HMBOX1: variants seen among roughly 807,000 people sequenced by gnomAD.
HMBOX1 encodes the protein homeobox-containing protein 1.
A neutral mutation model predicts 54.5 loss-of-function variants in HMBOX1; 14 were observed. The observed-to-expected ratio is 0.26, with a 90% CI of 0.17 to 0.40. HMBOX1 has a LOEUF of 0.40. Ranked by LOEUF, HMBOX1 falls within the 10% of genes least tolerant of loss-of-function variation. The pLI, the probability that HMBOX1 is intolerant of heterozygous loss-of-function variation, is 1.00. For missense variants in HMBOX1, 332 were observed against 514.4 expected (o/e 0.65, Z 3.43); for synonymous variants, 160 against 181.0 (o/e 0.88, Z 0.93).
In HMBOX1 at chr8:28,919,254, G is replaced by C. The variant is rs542595043; in HGVS notation, c.-58+28576G>C. On this transcript the variant is annotated intron_variant, in intron 1 of 9. Transcript: ENST00000287701. Reference sequence around the variant, plus strand: ...CTTAGATGGCCCTTCTGTATCCAAGGGTTCTTCATCTGCAGATTTAACCAA... The same window carrying C: ...CTTAGATGGCCCTTCTGTATCCAAGCGTTCTTCATCTGCAGATTTAACCAA... 2.6e-5 allele frequency among the ~76,000 whole-genome samples: 4 copies of C among 152,132 alleles called. No homozygotes were observed. The East Asian group carries it at 5.8e-4, about 22-fold the overall frequency.
intron 1 of HMBOX1, among the ~76,000 whole-genome samples, chr8:28,926,216 G>A (rs1051198640): frequency 6.6e-6 from 1 of 151,812 alleles, no homozygotes; most frequent in African/African-American, 2.4e-5. Context: ...GCTTACCTGA[G>A]CCCGGGAGTT....
intron 1 of HMBOX1, among the ~76,000 whole-genome samples, chr8:28,946,905 A>G (rs1461655039): frequency 6.6e-6 from 1 of 152,176 alleles, no homozygotes; most frequent in Non-Finnish European, 1.5e-5. Flanking sequence ...TAGTTTGAGA[A>G]CCCAGGAGCT....
intron 1 of HMBOX1, among the ~76,000 whole-genome samples, chr8:28,917,678 G>A (rs1332041209): frequency 6.6e-6 from 1 of 151,932 alleles, no homozygotes; most frequent in African/African-American, 2.4e-5. Flanking sequence ...ATATATTTAG[G>A]GTTTTCATGG....
intron 1 of HMBOX1, among the ~76,000 whole-genome samples, chr8:28,946,406 T>G (rs1444877206): frequency 6.6e-6 from 1 of 151,678 alleles, no homozygotes; most frequent in Non-Finnish European, 1.5e-5. Context: ...TCGTCTCTAC[T>G]AAAAATACAA....
chr8:28,946,837 ATAAC>A (rs1324908704), intron 1 of HMBOX1, among the ~76,000 whole-genome samples: 3 of 152,228 alleles, frequency 2.0e-5, no homozygotes, highest in Non-Finnish European at 4.4e-5. Flanking sequence ...CATACAATAA[ATAAC>A]AAATATTAAC....
intron 6 of HMBOX1, among the ~76,000 whole-genome samples, chr8:29,026,911 G>A (rs1802139392): frequency 6.6e-6 from 1 of 152,194 alleles, no homozygotes; most frequent in Non-Finnish European, 1.5e-5. Flanking sequence ...ACAGGGAAAA[G>A]ATGAAACAAG....
chr8:28,949,465 T>C (rs1823019684), intron 1 of HMBOX1, among the ~76,000 whole-genome samples: 1 of 152,248 alleles, frequency 6.6e-6, no homozygotes, highest in Admixed American at 6.5e-5. Context: ...TTTGTAACTT[T>C]AGCATTTTGG....
chr8:28,902,205 G>C (rs1813358999), intron 1 of HMBOX1, among the ~76,000 whole-genome samples: 1 of 152,146 alleles, frequency 6.6e-6, no homozygotes, highest in African/African-American at 2.4e-5. Flanking sequence ...ATCCTCAGAA[G>C]ATAGTGAACC....
chr8:28,928,413 T>C (rs1818922938), intron 1 of HMBOX1, among the ~76,000 whole-genome samples: 1 of 152,154 alleles, frequency 6.6e-6, no homozygotes. Flanking sequence ...CTATTGGGAA[T>C]GCAAATTGTT....
intron 4 of HMBOX1, among the ~76,000 whole-genome samples, chr8:28,991,121 T>C (rs1007535550): frequency 6.6e-6 from 1 of 152,358 alleles, no homozygotes; most frequent in Admixed American, 6.5e-5. Context: ...TTTTTTATTA[T>C]AGTGATTATC....
chr8:29,032,364 CTTCT>C (rs1345603367), intron 6 of HMBOX1, among the ~76,000 whole-genome samples: 1 of 151,660 alleles, frequency 6.6e-6, no homozygotes, highest in Non-Finnish European at 1.5e-5. Context: ...TCTTTCTAGC[CTTCT>C]TTAAGACAGA....
chr8:28,905,351 G>GCA (rs1563359143), intron 1 of HMBOX1, among the ~76,000 whole-genome samples: 2 of 151,478 alleles, frequency 1.3e-5, no homozygotes, highest in Non-Finnish European at 2.9e-5. Flanking sequence ...GCACACACAC[G>GCA]CACGCACACA....
chr8:29,026,755 T>C (rs1802111159), intron 6 of HMBOX1, among the ~76,000 whole-genome samples: 1 of 152,240 alleles, frequency 6.6e-6, no homozygotes, highest in Non-Finnish European at 1.5e-5. Flanking sequence ...GAGTTCTTAT[T>C]AACTAAGAAG....
chr8:29,014,561 A>G (rs1834714114), intron 5 of HMBOX1, among the ~76,000 whole-genome samples: 1 of 152,218 alleles, frequency 6.6e-6, no homozygotes, highest in African/African-American at 2.4e-5. Flanking sequence ...ACATTGAAAA[A>G]GAAAAAGGAG....
At chr8:28,973,106 T>A (rs1353636023) in intron 3 of HMBOX1, among the ~76,000 whole-genome samples, 1 of 152,174 alleles carries the variant, frequency 6.6e-6, no homozygotes, top group African/African-American at 2.4e-5. Flanking sequence ...CCTGCTTTCC[T>A]CCATTGTGTC....
Position 28,890,485 on chromosome 8 carries a change from G to C in HMBOX1, c.-251G>C, listed in dbSNP as rs1057456145. The C allele has an allele frequency of 1.3e-5, 2 of 153,190 alleles. No homozygotes were observed. The highest frequency in any genetic ancestry group is 4.8e-5 in the African/African-American group (2 of 41,436). The allele number at this position is 153,190 out of a possible 1,614,324, so 9.5% of individuals were successfully genotyped here. ...GAGGTTTTTCAGGGGGAGACTGGGA[G>C]ATAGGGGCCTCCCCTCCCCCTTCTC... On this transcript the variant is annotated 5_prime_UTR_variant, in exon 1 of 10. Transcript: ENST00000287701.
intron 1 of HMBOX1, among the ~76,000 whole-genome samples, chr8:28,913,661 C>T (rs1350356072): frequency 6.6e-6 from 1 of 152,164 alleles, no homozygotes; most frequent in East Asian, 1.9e-4. Flanking sequence ...TTCTCTTTCT[C>T]TCCCCATAGC....
intron 5 of HMBOX1, among the ~76,000 whole-genome samples, chr8:29,012,545 C>T (rs957861857): frequency 6.6e-6 from 1 of 152,166 alleles, no homozygotes; most frequent in Admixed American, 6.5e-5. Flanking sequence ...GGAACACACA[C>T]ACATACACAT....
At chr8:28,901,500 C>CA (rs1449342780) in intron 1 of HMBOX1, among the ~76,000 whole-genome samples, 2 of 152,178 alleles carry the variant, frequency 1.3e-5, no homozygotes, top group African/African-American at 4.8e-5. Context: ...CACCCCATAA[C>CA]ATCTCTTAGA....
Sources: allele counts gnomAD v4.1 joint callset (sites outside exome capture counted in the v4.1 genomes callset), GRCh38; gene constraint gnomAD v4.1.1; transcripts MANE v1.5; gene names NCBI Gene and HGNC (gene_info 2026-07-23, HGNC 2026-07-21).